Variants in CNTN6 observed in about 807,000 individuals in gnomAD.
The protein encoded by CNTN6 is contactin 6, also known as contactin-6.
A neutral mutation model predicts 122.8 loss-of-function variants in CNTN6; 137 were observed. The observed-to-expected ratio is 1.12, with a 90% CI of 0.97 to 1.29. The LOEUF (loss-of-function observed/expected upper bound fraction) is 1.29. Ranked by LOEUF, CNTN6 falls within the 50% of genes most tolerant of loss-of-function variation. The pLI, the probability that CNTN6 is intolerant of heterozygous loss-of-function variation, is 0.00. For synonymous variants in CNTN6, 570 were observed against 426.0 expected (o/e 1.34, Z -4.16); for missense variants, 1,634 against 1,223.4 (o/e 1.34, Z -5.01).
At chr3:1,364,446 A>G (rs1272419797) in intron 12 of CNTN6, among the ~76,000 whole-genome samples, 1 of 151,876 alleles carries the variant, frequency 6.6e-6, no homozygotes, top group Non-Finnish European at 1.5e-5. Flanking sequence ...AACTTCAGCA[A>G]CACCTTAGCA....
chr3:1,159,127 T>G (rs1009824415), intron 2 of CNTN6, among the ~76,000 whole-genome samples: 4 of 151,758 alleles, frequency 2.6e-5, no homozygotes, highest in African/African-American at 9.7e-5. Context: ...CAGGGCCTTG[T>G]AAGTCATACT....
chr3:1,278,359 ATATT>A, intron 4 of CNTN6, 50 bp from the exon 5 acceptor site: 1 of 1,218,920 alleles, frequency 8.2e-7, no homozygotes, highest in Non-Finnish European at 1.2e-6. Context: ...CTTCTTTAAA[ATATT>A]TATTCTGCAA....
intron 4 of CNTN6, among the ~76,000 whole-genome samples, chr3:1,246,735 G>C (rs988636741): frequency 1.3e-5 from 2 of 152,082 alleles, no homozygotes; most frequent in South Asian, 2.1e-4. Context: ...ATAGTAAAAA[G>C]TATCTCATTT....
intron 2 of CNTN6, among the ~76,000 whole-genome samples, chr3:1,170,685 G>T (rs1342019128): frequency 1.3e-5 from 2 of 152,168 alleles, no homozygotes; most frequent in Admixed American, 6.5e-5. Context: ...CAAAAGGAAA[G>T]ATACATAAGC....
chr3:1,120,551 A>G lies in CNTN6; in HGVS notation c.-82-27376A>G, dbSNP rs13067703. Among the ~76,000 whole-genome samples, 3 of 151,926 alleles carry G rather than the reference A, an allele frequency of 2.0e-5. No homozygotes were observed. The South Asian group carries it at 6.2e-4, about 32-fold the overall frequency. On this transcript the variant is annotated intron_variant, in intron 1 of 22. Coordinates refer to ENST00000446702, the MANE Select transcript of CNTN6 (RefSeq NM_001289080.2). ...CTTCTTTTTAATATTATTGTTTTAT[A>G]TATTTTAGACACAACCTTCTATCAG...
chr3:1,287,870 A>C (rs79849376), intron 5 of CNTN6, among the ~76,000 whole-genome samples: 115 of 152,350 alleles, frequency 7.5e-4, no homozygotes, highest in African/African-American at 2.6e-3. Context: ...CTTTCCCAGA[A>C]AACTAATGAA....
Position 1,385,641 on chromosome 3 carries a change from T to C in CNTN6, c.2548T>C (p.Ser850Pro), listed in dbSNP as rs1692767771. The change falls in exon 20 of 23, where the codon TCC becomes CCC. Residue 850 changes from serine (S) to proline (P), a missense_variant. Ser to Pro is a moderately conservative substitution (Grantham distance 74, BLOSUM62 -1). Transcript: ENST00000446702. Reference sequence around the variant, plus strand: ...ATACTGGACAGATGACTCCAAAGAATCCATGATAGGTAAAATTAGAGTCAG... The same window carrying C: ...ATACTGGACAGATGACTCCAAAGAACCCATGATAGGTAAAATTAGAGTCAG... The part of the protein sequence containing the change: ...VLYWTDDSKE[S>P]MIGKIRVSGN... 16 of 1,613,894 alleles carry C rather than the reference T, an allele frequency of 9.9e-6. No homozygotes were observed. The highest frequency in any genetic ancestry group is 1.4e-5 in the Non-Finnish European group (16 of 1,179,910).
intron 1 of CNTN6, among the ~76,000 whole-genome samples, chr3:1,115,611 G>T (rs2091686192): frequency 6.6e-6 from 1 of 152,100 alleles, no homozygotes. Flanking sequence ...AATTAGCCGG[G>T]CATGAAGGTG....
chr3:1,270,586 A>G (rs1185600024), intron 4 of CNTN6, among the ~76,000 whole-genome samples: 1 of 152,216 alleles, frequency 6.6e-6, no homozygotes, highest in African/African-American at 2.4e-5. Context: ...CGCATCGTGA[A>G]GGTGAACAAG....
At chr3:1,103,420 G>C (rs2091054532) in intron 1 of CNTN6, among the ~76,000 whole-genome samples, 1 of 152,074 alleles carries the variant, frequency 6.6e-6, no homozygotes, top group African/African-American at 2.4e-5. Context: ...TTGTCCCTTT[G>C]TGCAGACTGT....
intron 21 of CNTN6, 61 bp from the exon 22 acceptor site, chr3:1,402,257 A>C (rs1695811893): frequency 1.2e-5 from 16 of 1,343,674 alleles, no homozygotes; most frequent in Admixed American, 7.4e-5. Flanking sequence ...GTTCCAGAAC[A>C]GTTGTGTGAA....
chr3:1,268,565 C>CACAG (rs2094966070), intron 4 of CNTN6, among the ~76,000 whole-genome samples: 4 of 141,206 alleles, frequency 2.8e-5, no homozygotes, highest in African/African-American at 8.1e-5. Flanking sequence ...CGAGATTGAG[C>CACAG]CACTGCACTC....
At chr3:1,233,547 A>G (rs2094380790) in intron 4 of CNTN6, among the ~76,000 whole-genome samples, 1 of 151,974 alleles carries the variant, frequency 6.6e-6, no homozygotes, top group Non-Finnish European at 1.5e-5. Flanking sequence ...CAGCCTGGCC[A>G]ACATAGTGAA....
At chr3:1,331,621 A>G (rs1268698076) in intron 11 of CNTN6, among the ~76,000 whole-genome samples, 1 of 151,928 alleles carries the variant, frequency 6.6e-6, no homozygotes, top group Non-Finnish European at 1.5e-5. Context: ...TGTGGAACAG[A>G]AAAACATAAG....
chr3:1,398,086 G>T (rs1373981631), intron 20 of CNTN6, among the ~76,000 whole-genome samples: 1 of 152,068 alleles, frequency 6.6e-6, no homozygotes, highest in African/African-American at 2.4e-5. Context: ...AAAAGTGCTT[G>T]TTTGCTGAGT....
intron 7 of CNTN6, among the ~76,000 whole-genome samples, chr3:1,312,393 C>G (rs905943188): frequency 6.6e-6 from 1 of 151,976 alleles, no homozygotes; most frequent in Non-Finnish European, 1.5e-5. Context: ...CACCACCTCT[C>G]TCAGGAGACC....
chr3:1,144,117 C>G (rs879695881), intron 1 of CNTN6, among the ~76,000 whole-genome samples: 3 of 152,176 alleles, frequency 2.0e-5, no homozygotes, highest in Admixed American at 2.0e-4. Context: ...GCATTAGACA[C>G]CACGCCGAGT....
At chr3:1,152,954 A>G (rs2092880871) in intron 2 of CNTN6, among the ~76,000 whole-genome samples, 1 of 152,208 alleles carries the variant, frequency 6.6e-6, no homozygotes, top group African/African-American at 2.4e-5. Context: ...TCCTGATACT[A>G]AATATTCATA....
intron 7 of CNTN6, among the ~76,000 whole-genome samples, chr3:1,300,557 AAAAGAAAG>A (rs202226482): frequency 0.066 from 7,065 of 107,156 alleles, 227 homozygotes; most frequent in Middle Eastern, 0.086. Context: ...AAGAGAAAGA[AAAAGAAAG>A]AAAGAAAGAA....
Sources: gnomAD v4.1 joint callset for allele counts (sites outside exome capture counted in the v4.1 genomes callset) on GRCh38, gnomAD v4.1.1 for gene constraint, MANE v1.5 for transcripts, NCBI Gene and HGNC (gene_info 2026-07-23, HGNC 2026-07-21) for gene names.